The following ANKRD36 variants were observed in gnomAD, a reference collection of about 807,000 sequenced individuals.
ANKRD36 encodes ankyrin repeat domain-containing protein 36A.
Under a neutral mutation model 278.1 loss-of-function variants are expected in ANKRD36, and 179 were observed. That is an observed-to-expected ratio of 0.64 (90% CI 0.57 to 0.73). The LOEUF (loss-of-function observed/expected upper bound fraction) is 0.73, where lower values mean the gene tolerates loss of function less well. ANKRD36 is among the 30% of genes least tolerant of loss of function. ANKRD36 has a pLI of 0.00. For missense variants in ANKRD36, 1,159 were observed against 1,956.7 expected (o/e 0.59, Z 7.69); for synonymous variants, 320 against 641.1 (o/e 0.50, Z 7.57).
chr2:97,158,953 T>A (rs1291912849), intron 17 of ANKRD36, among the ~76,000 whole-genome samples: 1 of 152,012 alleles, frequency 6.6e-6, no homozygotes, highest in Admixed American at 6.6e-5. Flanking sequence ...TTCTTAGGTT[T>A]GCCATTAGGG....
intron 42 of ANKRD36, among the ~76,000 whole-genome samples, chr2:97,197,128 A>G (rs1370791617): frequency 1.3e-5 from 2 of 151,934 alleles, no homozygotes; most frequent in Non-Finnish European, 2.9e-5. Flanking sequence ...TATCGATTTT[A>G]CAGACCTCAC....
At chr2:97,208,271 C>G (rs1246984018) in intron 54 of ANKRD36, among the ~76,000 whole-genome samples, 2 of 146,714 alleles carry the variant, frequency 1.4e-5, no homozygotes, top group Non-Finnish European at 3.0e-5. Flanking sequence ...CTCTGGGGAA[C>G]AACATAATTT....
intron 66 of ANKRD36, among the ~76,000 whole-genome samples, chr2:97,224,461 T>G (rs1180615274): frequency 6.6e-6 from 1 of 151,590 alleles, no homozygotes; most frequent in Non-Finnish European, 1.5e-5. Context: ...TGTTTTTTTT[T>G]TTTTGAGACA....
chr2:97,145,263 T>C (rs185575137), intron 10 of ANKRD36, among the ~76,000 whole-genome samples: 2 of 152,144 alleles, frequency 1.3e-5, no homozygotes, highest in Admixed American at 1.3e-4. Context: ...TTCAGATGTG[T>C]TTAGAATGTT....
intron 1 of ANKRD36, among the ~76,000 whole-genome samples, chr2:97,116,813 G>A (rs1308672019): frequency 6.6e-6 from 1 of 151,956 alleles, no homozygotes; most frequent in East Asian, 1.9e-4. Context: ...TATTCCAAAA[G>A]CACTGCTTTA....
intron 40 of ANKRD36, among the ~76,000 whole-genome samples, chr2:97,195,668 A>G (rs1042576790): frequency 1.3e-5 from 2 of 151,968 alleles, no homozygotes; most frequent in Non-Finnish European, 2.9e-5. Flanking sequence ...TTCCTTGTTC[A>G]AGGAGCTACC....
intron 75 of ANKRD36, among the ~76,000 whole-genome samples, chr2:97,254,942 A>AT (rs2076095920): frequency 8.6e-6 from 1 of 115,822 alleles, no homozygotes; most frequent in Non-Finnish European, 1.6e-5. Context: ...AAATGTCAAG[A>AT]TTTTTTTCCA....
At chr2:97,204,839 G>A (rs1287391921) in intron 50 of ANKRD36, among the ~76,000 whole-genome samples, 1 of 151,490 alleles carries the variant, frequency 6.6e-6, no homozygotes, top group African/African-American at 2.4e-5. Flanking sequence ...AAAAATATTT[G>A]ATTTTCGCTG....
chr2:97,220,051 CTGTGTGTGTGTGTGTGTGTG>C (rs71274689), intron 66 of ANKRD36, among the ~76,000 whole-genome samples: 1 of 111,216 alleles, frequency 9.0e-6, no homozygotes, highest in African/African-American at 5.1e-5. Flanking sequence ...GATTAGCACA[CTGTGTGTGTGTGTGTGTGTG>C]TGTGTGTGTG....
chr2:97,170,227 A>G (rs1323199017), intron 22 of ANKRD36, among the ~76,000 whole-genome samples: 2 of 151,962 alleles, frequency 1.3e-5, no homozygotes, highest in Admixed American at 6.6e-5. Context: ...AGCCTTATGC[A>G]GGAAACTGAA....
chr2:97,158,289 A>T lies in ANKRD36; in HGVS notation c.1321+122A>T, dbSNP rs2048016715. The T allele has an allele frequency of 1.2e-5, 15 of 1,263,390 alleles. No individual in the cohort carries two copies. The South Asian group carries it at 1.7e-4, about 14-fold the overall frequency. The allele number at this position is 1,263,390 out of a possible 1,614,324, so 78.3% of individuals were successfully genotyped here. A position where few individuals can be genotyped will look rare whatever the true frequency, so the allele number is the denominator to read the frequency against. On this transcript the variant is annotated intron_variant, in intron 16 of 75. Transcript: ENST00000420699. ...GTTGCCCAGGCTGGAGTGCAGTGGC[A>T]TGATCTTGGCTCACTGCAACTTCTA... is the stretch of plus-strand genomic sequence containing the variant.
chr2:97,187,888 G>A (rs1353243835), intron 32 of ANKRD36, among the ~76,000 whole-genome samples: 1 of 151,748 alleles, frequency 6.6e-6, no homozygotes, highest in Non-Finnish European at 1.5e-5. Context: ...CAGACAGGAA[G>A]GAGGGAAAAG....
chr2:97,179,150 T>C (rs2443858), intron 22 of ANKRD36, among the ~76,000 whole-genome samples: 2 of 151,522 alleles, frequency 1.3e-5, no homozygotes, highest in African/African-American at 4.8e-5. Flanking sequence ...CATTATTACA[T>C]CATATGGGTG....
intron 44 of ANKRD36, among the ~76,000 whole-genome samples, chr2:97,199,704 G>C (rs529572511): frequency 1.4e-4 from 22 of 151,970 alleles, no homozygotes; most frequent in Admixed American, 1.1e-3. Flanking sequence ...TTTCGGAAGG[G>C]TAAACTAGTG....
At chr2:97,129,972 A>G (rs1462968146) in intron 6 of ANKRD36, among the ~76,000 whole-genome samples, 5 of 151,948 alleles carry the variant, frequency 3.3e-5, no homozygotes, top group Non-Finnish European at 7.4e-5. Flanking sequence ...TTCGTTCCAT[A>G]TGAACTTTAA....
intron 11 of ANKRD36, among the ~76,000 whole-genome samples, chr2:97,148,743 G>C (rs1354146610): frequency 6.6e-6 from 1 of 152,310 alleles, no homozygotes; most frequent in Non-Finnish European, 1.5e-5. Flanking sequence ...GGGGCTCCCT[G>C]TAGTGTTCTA....
chr2:97,211,816 G>C, intron 58 of ANKRD36, 75 bp downstream of exon 58: 1 of 1,463,780 alleles, frequency 6.8e-7, no homozygotes, highest in Non-Finnish European at 9.3e-7. Flanking sequence ...ATAAAACAGC[G>C]GGGGGTTCGT....
chr2:97,181,662 C>A (rs747547916), intron 25 of ANKRD36, 36 bp downstream of exon 25: 1 of 1,604,240 alleles, frequency 6.2e-7, no homozygotes, highest in African/African-American at 1.3e-5. Flanking sequence ...GAACTATTAA[C>A]TGTATAGTCT....
chr2:97,206,547 C>G (rs1473097841), intron 52 of ANKRD36, among the ~76,000 whole-genome samples: 4 of 151,368 alleles, frequency 2.6e-5, no homozygotes, highest in South Asian at 4.2e-4. Context: ...TGTAGGAGAA[C>G]TAAGGAGACC....
Sources: allele counts gnomAD v4.1 joint callset (sites outside exome capture counted in the v4.1 genomes callset), GRCh38; gene constraint gnomAD v4.1.1; transcripts MANE v1.5; gene names NCBI Gene and HGNC (gene_info 2026-07-23, HGNC 2026-07-21).